PRDM11: variants seen among roughly 807,000 people sequenced by gnomAD.
PRDM11 encodes PR/SET domain 11.
Under a neutral mutation model 97.8 loss-of-function variants are expected in PRDM11, and 20 were observed. The ratio of observed to expected loss-of-function variants is 0.20; its 90% CI spans 0.14 to 0.30. The LOEUF is 0.30. Ranked by LOEUF, PRDM11 falls within the 10% of genes least tolerant of loss-of-function variation. The pLI, the probability that PRDM11 is intolerant of heterozygous loss-of-function variation, is 1.00. For synonymous variants in PRDM11, 599 were observed against 637.7 expected, an observed-to-expected ratio of 0.94 and a Z score of 0.91; for missense variants, 1,139 against 1,555.2, an observed-to-expected ratio of 0.73 and a Z score of 4.50.
chr11:45,208,147 A>C (rs576967766), intron 5 of PRDM11, among the ~76,000 whole-genome samples: 1 of 152,244 alleles, frequency 6.6e-6, no homozygotes, highest in East Asian at 1.9e-4. Context: ...GGGCTTCTCA[A>C]ATTCTACCAA....
At chr11:45,159,074 G>T (rs1312181692) in intron 1 of PRDM11, among the ~76,000 whole-genome samples, 1 of 152,150 alleles carries the variant, frequency 6.6e-6, no homozygotes, top group Non-Finnish European at 1.5e-5. Context: ...GCTCCCAGGG[G>T]TCTGCTCCCC....
rs535920578 is a variant in PRDM11 at position 45,157,727 on chromosome 11, G to C, written c.-7+10850G>C. On this transcript the variant is annotated intron_variant, in intron 1 of 7. Coordinates refer to ENST00000683152, the MANE Select transcript of PRDM11 (RefSeq NM_001384648.1). ...CAGCATGGCCTTTCCAGGCTGGCCT[G>C]GTTGGTGGGGTCACACCTGGGGTCA... Among the ~76,000 whole-genome samples, 9 of 152,364 alleles carry C rather than the reference G, an allele frequency of 5.9e-5. No homozygotes were observed. In the South Asian group the frequency reaches 1.7e-3, roughly 28 times the overall value.
In PRDM11 at chr11:45,194,590, C is replaced by CTTTTTTTTTTTTTTTTTTTT. The variant is rs1183339151; in HGVS notation, c.487-10120_487-10119insTTTTTTTTTTTTTTTTTTTT. Among the ~76,000 whole-genome samples, 3 of 89,992 alleles carry CTTTTTTTTTTTTTTTTTTTT rather than the reference C, an allele frequency of 3.3e-5. 1 individual carries two copies. The highest frequency in any genetic ancestry group is 2.9e-4 in the Admixed American group (2 of 6,884). 59.0% of individuals were successfully genotyped at this position (89,992 alleles called of 152,430 possible). A position where few individuals can be genotyped will look rare whatever the true frequency, so the allele number is the denominator to read the frequency against. On this transcript the variant is annotated intron_variant, in intron 4 of 7. Coordinates refer to ENST00000683152, the MANE Select transcript of PRDM11 (RefSeq NM_001384648.1). ...AGTACTGTGGGATAGTTATTATCTT[C>CTTTTTTTTTTTTTTTTTTTT]TGTTTTTTTTTTTTTTTTTTTTTTT... is the stretch of plus-strand genomic sequence containing the variant.
intron 1 of PRDM11, among the ~76,000 whole-genome samples, chr11:45,154,809 A>AGAGG (rs1851751444): frequency 6.6e-6 from 1 of 152,194 alleles, no homozygotes. Context: ...TGAGGCTCAG[A>AGAGG]GAGGGGAAGT....
intron 1 of PRDM11, among the ~76,000 whole-genome samples, chr11:45,164,116 T>G (rs1269310729): frequency 6.6e-6 from 1 of 152,174 alleles, no homozygotes; most frequent in Non-Finnish European, 1.5e-5. Context: ...TCTGAAACTT[T>G]CCTCCTGAGA....
chr11:45,133,152 T>C (rs181834456), intron 1 of PRDM11, among the ~76,000 whole-genome samples: 2 of 152,340 alleles, frequency 1.3e-5, no homozygotes, highest in African/African-American at 4.8e-5. Flanking sequence ...TTCTAACACT[T>C]TTCATCCAAA....
intron 4 of PRDM11, among the ~76,000 whole-genome samples, chr11:45,203,602 A>C (rs1034439028): frequency 2.0e-5 from 3 of 150,246 alleles, no homozygotes; most frequent in African/African-American, 7.3e-5. Context: ...GACATGAAGG[A>C]TATATTGAGC....
At chr11:45,216,745 G>T (rs902468090) in intron 5 of PRDM11, among the ~76,000 whole-genome samples, 3 of 152,194 alleles carry the variant, frequency 2.0e-5, no homozygotes, top group African/African-American at 7.2e-5. Flanking sequence ...TTTATACAAC[G>T]CCTTGAGGTT....
chr11:45,225,189 C>T, intron 7 of PRDM11: 2 of 1,221,138 alleles, frequency 1.6e-6, no homozygotes, highest in Non-Finnish European at 2.1e-6. Context: ...TGTCCCCAGT[C>T]TCAAGCAGGG....
upstream of PRDM11, among the ~76,000 whole-genome samples, chr11:45,094,390 G>A (rs932676467): frequency 3.8e-4 from 58 of 151,914 alleles, no homozygotes; most frequent in African/African-American, 1.3e-3. Flanking sequence ...TCTGCCCAGT[G>A]CTGCCCCAGC....
chr11:45,209,121 G>C, intron 5 of PRDM11: 1 of 456,630 alleles, frequency 2.2e-6, no homozygotes, highest in South Asian at 1.5e-5. Flanking sequence ...GAGGACCAAG[G>C]ACAAGCTGGC....
chr11:45,153,523 G>A (rs932596232), intron 1 of PRDM11, among the ~76,000 whole-genome samples: 3 of 152,228 alleles, frequency 2.0e-5, no homozygotes, highest in African/African-American at 7.2e-5. Context: ...TGGGTGTGAG[G>A]CCAGTGGACA....
chr11:45,159,410 C>G (rs1481178481), intron 1 of PRDM11, among the ~76,000 whole-genome samples: 1 of 152,200 alleles, frequency 6.6e-6, no homozygotes, highest in Admixed American at 6.5e-5. Flanking sequence ...TGTGGGAGTC[C>G]CTGTGGTTCA....
intron 1 of PRDM11, among the ~76,000 whole-genome samples, chr11:45,149,089 C>T (rs914141254): frequency 2.0e-5 from 3 of 152,194 alleles, no homozygotes; most frequent in African/African-American, 4.8e-5. Flanking sequence ...CCATCCACTT[C>T]TCTCCATCCC....
At chr11:45,097,851 G>A (rs568666037) in intron 1 of PRDM11, among the ~76,000 whole-genome samples, 3 of 152,380 alleles carry the variant, frequency 2.0e-5, no homozygotes, top group Admixed American at 2.0e-4. Context: ...GTGGCAGGAG[G>A]AAGTGGGGAG....
Position 45,125,857 on chromosome 11 carries a change from C to T in PRDM11, c.96+29956C>T, listed in dbSNP as rs537899378. ...GAGTTCTGTAGATGTCTATTAGGTC[C>T]GCTTGGTGTGGAGCTGAGTTCAATT... On this transcript the variant is annotated intron_variant, in intron 1 of 6. Transcript: ENST00000530656. Among the ~76,000 whole-genome samples, 64 of 152,206 alleles carry T rather than the reference C, an allele frequency of 4.2e-4. No homozygotes were observed. In the East Asian group the frequency reaches 6.6e-3, roughly 16 times the overall value.
chr11:45,152,774 T>C (rs1851690916), intron 1 of PRDM11, among the ~76,000 whole-genome samples: 1 of 152,196 alleles, frequency 6.6e-6, no homozygotes, highest in Non-Finnish European at 1.5e-5. Flanking sequence ...GTTTCACAGT[T>C]GGTGATGAAA....
intron 4 of PRDM11, among the ~76,000 whole-genome samples, chr11:45,190,137 A>G (rs937058747): frequency 2.0e-5 from 3 of 150,468 alleles, no homozygotes; most frequent in African/African-American, 7.3e-5. Flanking sequence ...ACACGTGCAC[A>G]CACACACACA....
At chr11:45,160,357 ATAAAC>A (rs1401164514) in intron 1 of PRDM11, among the ~76,000 whole-genome samples, 1 of 152,246 alleles carries the variant, frequency 6.6e-6, no homozygotes, top group Non-Finnish European at 1.5e-5. Context: ...ATATTAACAA[ATAAAC>A]TAAAGTCTTT....
Sources: allele counts gnomAD v4.1 joint callset (sites outside exome capture counted in the v4.1 genomes callset), GRCh38; gene constraint gnomAD v4.1.1; transcripts MANE v1.5; gene names NCBI Gene and HGNC (gene_info 2026-07-23, HGNC 2026-07-21).